The following NOS1AP variants were observed in gnomAD, a reference collection of about 807,000 sequenced individuals.
NOS1AP encodes nitric oxide synthase 1 adaptor protein.
NOS1AP carries 21 observed loss-of-function variants against 56.2 expected under a neutral mutation model. That is an observed-to-expected ratio of 0.37 (90% confidence interval 0.26 to 0.54). The LOEUF (loss-of-function observed/expected upper bound fraction) is 0.54, where lower values mean the gene tolerates loss of function less well. Ranked by LOEUF, NOS1AP falls within the 20% of genes least tolerant of loss-of-function variation. NOS1AP has a pLI of 0.84. For synonymous variants in NOS1AP, 270 were observed against 274.6 expected, an observed-to-expected ratio of 0.98 and a Z score of 0.17; for missense variants, 522 against 657.8, an observed-to-expected ratio of 0.79 and a Z score of 2.26.
intron 1 of NOS1AP, among the ~76,000 whole-genome samples, chr1:162,083,846 A>G (rs1302104626): frequency 6.6e-6 from 1 of 152,176 alleles, no homozygotes; most frequent in Admixed American, 6.5e-5. Context: ...GAGTGTCTTT[A>G]CCAAGTTTTC....
intron 5 of NOS1AP, chr1:162,342,742 G>A: frequency 2.6e-6 from 1 of 378,206 alleles, no homozygotes; most frequent in Non-Finnish European, 5.4e-6. Context: ...CCATTACCTG[G>A]GGTGGGTGGG....
intron 6 of NOS1AP, among the ~76,000 whole-genome samples, chr1:162,350,868 A>G (rs901261847): frequency 4.6e-5 from 7 of 152,210 alleles, no homozygotes; most frequent in African/African-American, 1.7e-4. Context: ...CAGTTAATAC[A>G]GGTTGAGCAT....
At chr1:162,209,705 G>A (rs1652283719) in intron 2 of NOS1AP, among the ~76,000 whole-genome samples, 1 of 152,106 alleles carries the variant, frequency 6.6e-6, no homozygotes, top group South Asian at 2.1e-4. Flanking sequence ...CCAACACTTT[G>A]GGAAGATCCC....
chr1:162,354,676 C>T (rs1381406000), intron 6 of NOS1AP, among the ~76,000 whole-genome samples: 1 of 152,222 alleles, frequency 6.6e-6, no homozygotes, highest in African/African-American at 2.4e-5. Flanking sequence ...CCTCACATCT[C>T]CCTGCCTTAT....
chr1:162,121,172 T>C (rs1648212446), intron 1 of NOS1AP, among the ~76,000 whole-genome samples: 1 of 151,642 alleles, frequency 6.6e-6, no homozygotes, highest in African/African-American at 2.4e-5. Flanking sequence ...TTTTTTTTGT[T>C]TTTTGTTTTT....
Position 162,081,349 on chromosome 1 carries a change from A to C in NOS1AP, c.105+11067A>C, listed in dbSNP as rs540147792. On this transcript the variant is annotated intron_variant, in intron 1 of 9. Coordinates refer to ENST00000361897, the MANE Select transcript of NOS1AP (RefSeq NM_014697.3). The stretch of plus-strand genomic sequence containing the variant: ...TCACCTGTAAAGACTTTTCTGGACC[A>C]TGTTGATGTTGTCCAGATAAAGAAA... 2.6e-5 allele frequency among the ~76,000 whole-genome samples: 4 copies of C among 152,214 alleles called. No homozygotes were observed. The South Asian group carries it at 8.3e-4, about 32-fold the overall frequency.
At chr1:162,359,375 CTCTG>C (rs1017790009) in intron 8 of NOS1AP, among the ~76,000 whole-genome samples, 1 of 152,172 alleles carries the variant, frequency 6.6e-6, no homozygotes, top group African/African-American at 2.4e-5. Context: ...ACTCCTGTAC[CTCTG>C]TCTGCCATGC....
Position 162,274,288 on chromosome 1 carries a change from G to A in NOS1AP, c.178-13056G>A, listed in dbSNP as rs552751359. ...ACCAGGTTCAAGAGGCCGGAGGAGAGACCCAGAACCGGTGAACAAAACATG... is the reference window on the plus strand; with the variant it reads ...ACCAGGTTCAAGAGGCCGGAGGAGAAACCCAGAACCGGTGAACAAAACATG... On this transcript the variant is annotated intron_variant, in intron 2 of 9. Coordinates refer to ENST00000361897, the MANE Select transcript of NOS1AP (RefSeq NM_014697.3). Among the ~76,000 whole-genome samples the A allele has an allele frequency of 9.8e-5, 15 of 152,310 alleles. No homozygotes were observed. The East Asian group carries it at 2.7e-3, about 27-fold the overall frequency.
chr1:162,166,576 C>G (rs1328094898), intron 2 of NOS1AP, among the ~76,000 whole-genome samples: 1 of 152,188 alleles, frequency 6.6e-6, no homozygotes, highest in Non-Finnish European at 1.5e-5. Context: ...GAGTAGTTTT[C>G]TCTTCTTTTG....
chr1:162,252,594 A>G (rs1557849936), intron 2 of NOS1AP, among the ~76,000 whole-genome samples: 1 of 152,130 alleles, frequency 6.6e-6, no homozygotes, highest in East Asian at 1.9e-4. Context: ...TCGTAAGTGG[A>G]GGGAGCTTCA....
intron 2 of NOS1AP, among the ~76,000 whole-genome samples, chr1:162,197,778 C>G (rs1242771071): frequency 6.6e-6 from 1 of 152,194 alleles, no homozygotes; most frequent in Non-Finnish European, 1.5e-5. Flanking sequence ...TGTCATTTTC[C>G]TGAGTGAGGA....
intron 1 of NOS1AP, among the ~76,000 whole-genome samples, chr1:162,083,426 A>G (rs959577864): frequency 2.6e-5 from 4 of 152,116 alleles, no homozygotes; most frequent in Non-Finnish European, 4.4e-5. Context: ...TTTTATTTGG[A>G]GACAGGGTCT....
chr1:162,101,918 C>T (rs573660691), intron 1 of NOS1AP, among the ~76,000 whole-genome samples: 28 of 152,134 alleles, frequency 1.8e-4, no homozygotes, highest in Admixed American at 6.5e-4. Context: ...TCTTCCTATT[C>T]GAATCCCCTT....
At chr1:162,299,835 C>A (rs1034715615) in intron 3 of NOS1AP, among the ~76,000 whole-genome samples, 66 of 152,018 alleles carry the variant, frequency 4.3e-4, no homozygotes, top group African/African-American at 1.4e-3. Context: ...GTGCTTCTTC[C>A]TAATGTCACT....
rs139579357 is a variant in NOS1AP, at chr1:162,294,278, G to A, written c.271-6355G>A. ...AGGCTCTTAGACTGCAGTGCAGTCT[G>A]AGGAAGGCTTGGCAAGGTTTCAGGG... On this transcript the variant is annotated intron_variant, in intron 3 of 9. Transcript: ENST00000361897. Among the ~76,000 whole-genome samples the A allele has an allele frequency of 1.7e-3, 263 of 152,266 alleles. 3 individuals carry two copies. The highest frequency in any genetic ancestry group is 6.2e-3 in the African/African-American group (256 of 41,554).
At chr1:162,219,665 C>A (rs545814474) in intron 2 of NOS1AP, among the ~76,000 whole-genome samples, 2 of 152,324 alleles carry the variant, frequency 1.3e-5, no homozygotes, top group East Asian at 3.9e-4. Flanking sequence ...TTGCCCCCAC[C>A]AGGGTTCTAG....
At chr1:162,316,476 C>T (rs1656234898) in intron 4 of NOS1AP, among the ~76,000 whole-genome samples, 1 of 152,234 alleles carries the variant, frequency 6.6e-6, no homozygotes, top group African/African-American at 2.4e-5. Flanking sequence ...GTGCAGTTAG[C>T]TCTTTGCTTT....
chr1:162,242,567 T>G (rs149695664), intron 2 of NOS1AP, among the ~76,000 whole-genome samples: 1 of 152,204 alleles, frequency 6.6e-6, no homozygotes, highest in Non-Finnish European at 1.5e-5. Context: ...AAATTTCAGA[T>G]GCAGCCCTAG....
At chr1:162,175,461 G>T (rs1033737147) in intron 2 of NOS1AP, among the ~76,000 whole-genome samples, 10 of 152,156 alleles carry the variant, frequency 6.6e-5, no homozygotes, top group African/African-American at 2.4e-4. Context: ...GTATCCCCTT[G>T]CCCCATCATT....
Sources: allele counts gnomAD v4.1 joint callset (sites outside exome capture counted in the v4.1 genomes callset), GRCh38; gene constraint gnomAD v4.1.1; transcripts MANE v1.5; gene names NCBI Gene and HGNC (gene_info 2026-07-23, HGNC 2026-07-21).